The following BRWD3 variants were observed in gnomAD, a reference collection of about 807,000 sequenced individuals.
BRWD3 encodes bromodomain and WD repeat-containing protein 3.
In BRWD3, 10 loss-of-function variants were observed where a neutral mutation model predicts 149.7. That is an observed-to-expected ratio of 0.07 (90% confidence interval 0.04 to 0.11). BRWD3 has a LOEUF of 0.11. Among genes scored for constraint, BRWD3 ranks in the 10% least tolerant of loss-of-function variants. The pLI, the probability that BRWD3 is intolerant of heterozygous loss-of-function variation, is 1.00. For missense variants in BRWD3, 940 were observed against 1,373.2 expected (o/e 0.68, Z 4.99); for synonymous variants, 504 against 456.7 (o/e 1.10, Z -1.32).
intron 33 of BRWD3, among the ~76,000 whole-genome samples, chrX:80,688,466 A>G (rs2072564743): frequency 9.0e-6 from 1 of 111,678 alleles, no homozygotes; most frequent in Non-Finnish European, 1.9e-5. Flanking sequence ...TTAATATAAA[A>G]TTATTAATTA....
At chrX:80,726,045 T>C (rs1453955973) in intron 14 of BRWD3, among the ~76,000 whole-genome samples, 3 of 86,499 alleles carry the variant, frequency 3.5e-5, no homozygotes, top group Admixed American at 1.3e-4. Flanking sequence ...TGTTTACATG[T>C]TATGTCTATA....
At chrX:80,774,925 T>C (rs897844937) in intron 6 of BRWD3, among the ~76,000 whole-genome samples, 2 of 111,843 alleles carry the variant, frequency 1.8e-5, no homozygotes, top group African/African-American at 6.5e-5. Flanking sequence ...ATACTCTACT[T>C]TATGTGTTAC....
chrX:80,755,622 C>T (rs1293113005), intron 6 of BRWD3, among the ~76,000 whole-genome samples: 1 of 111,675 alleles, frequency 9.0e-6, no homozygotes, highest in Non-Finnish European at 1.9e-5. Flanking sequence ...ATTACTCCAC[C>T]TCTGGGCATC....
At chrX:80,728,191 A>G (rs926894510) in intron 14 of BRWD3, among the ~76,000 whole-genome samples, 7 of 111,989 alleles carry the variant, frequency 6.3e-5, no homozygotes, top group Non-Finnish European at 1.3e-4. Flanking sequence ...AGGTTTTTAA[A>G]TTAAGCTTAA....
rs2072504738 is a variant in BRWD3, at chrX:80,685,225, G to C, written c.4080+237C>G. Among the ~76,000 whole-genome samples the C allele has an allele frequency of 3.6e-5, 4 of 110,746 alleles. No homozygotes were observed. In the South Asian group the frequency reaches 1.5e-3, roughly 42 times the overall value. On this transcript the variant is annotated intron_variant, in intron 36 of 40. Coordinates refer to ENST00000373275, the MANE Select transcript of BRWD3 (RefSeq NM_153252.5). ...TGATGTTTTCTACTCTGCTGCAGTA[G>C]CTTCAGATCTACATAAAAAAGTAAA... is the stretch of plus-strand genomic sequence containing the variant.
At chrX:80,713,073 G>A (rs1438909530) in intron 20 of BRWD3, among the ~76,000 whole-genome samples, 1 of 107,882 alleles carries the variant, frequency 9.3e-6, no homozygotes, top group East Asian at 3.0e-4. Context: ...AGTTGGGGGG[G>A]TCAGCCCCCT....
chrX:80,757,188 A>G (rs1488324168), intron 6 of BRWD3, among the ~76,000 whole-genome samples: 2 of 111,742 alleles, frequency 1.8e-5, no homozygotes, highest in Admixed American at 1.9e-4. Context: ...TTTCAAAAGC[A>G]CCCTAAAAGT....
intron 21 of BRWD3, among the ~76,000 whole-genome samples, chrX:80,707,879 A>T (rs1313472390): frequency 8.9e-6 from 1 of 111,974 alleles, no homozygotes; most frequent in Non-Finnish European, 1.9e-5. Context: ...TTTTTTATGT[A>T]AAATTTTAAA....
intron 6 of BRWD3, among the ~76,000 whole-genome samples, chrX:80,784,019 A>T (rs1340471939): frequency 8.9e-6 from 1 of 111,734 alleles, no homozygotes; most frequent in Non-Finnish European, 1.9e-5. Flanking sequence ...ATAGTACAAC[A>T]GGGTGATTAG....
intron 6 of BRWD3, among the ~76,000 whole-genome samples, chrX:80,759,588 TATGA>T (rs1425419976): frequency 8.9e-6 from 1 of 112,287 alleles, no homozygotes; most frequent in African/African-American, 3.2e-5. Flanking sequence ...ACGTTTTAGC[TATGA>T]ATGTGATACC....
At chrX:80,737,208 C>G (rs1470839408) in intron 8 of BRWD3, among the ~76,000 whole-genome samples, 1 of 111,030 alleles carries the variant, frequency 9.0e-6, no homozygotes, top group East Asian at 2.8e-4. Context: ...CAGGACCTCC[C>G]ATGGATACTA....
intron 6 of BRWD3, among the ~76,000 whole-genome samples, chrX:80,778,773 T>C (rs2074025147): frequency 8.9e-6 from 1 of 112,207 alleles, no homozygotes; most frequent in African/African-American, 3.2e-5. Context: ...CCAAGGCAGG[T>C]GGATCACTTG....
intron 8 of BRWD3, among the ~76,000 whole-genome samples, chrX:80,736,705 A>ACTT (rs1555974387): frequency 1.8e-5 from 2 of 110,192 alleles, no homozygotes; most frequent in African/African-American, 6.6e-5. Flanking sequence ...TTAAAAAAAA[A>ACTT]AAGTTGTCAA....
Position 80,677,271 on chromosome X carries a change from C to T in BRWD3, c.4747G>A (p.Glu1583Lys), listed in dbSNP as rs761994597. 3.3e-6 allele frequency: 4 copies of T among 1,210,476 alleles called. No individual in the cohort carries two copies. The highest frequency in any genetic ancestry group is 4.5e-6 in the Non-Finnish European group (4 of 895,139). ...RKLLSASEED[E>K]NMGGEDKEKK... Reference sequence around the variant, plus strand: ...TCTTTATCTTCTCCTCCCATGTTTTCATCTTCTTCTGATGCACTAAGTAGT... The same window carrying T: ...TCTTTATCTTCTCCTCCCATGTTTTTATCTTCTTCTGATGCACTAAGTAGT... The change falls in exon 41 of 41, where the codon GAA (glutamate) becomes AAA (lysine). Residue 1583 changes from glutamate (E) to lysine (K), a missense_variant. Transcript: ENST00000373275.
chrX:80,746,199 T>C (rs2073590663), intron 6 of BRWD3, among the ~76,000 whole-genome samples: 1 of 108,310 alleles, frequency 9.2e-6, no homozygotes, highest in South Asian at 3.9e-4. Context: ...TCAAGAGTAA[T>C]ACAAGTAAAA....
intron 34 of BRWD3, 96 bp from the exon 35 acceptor site, chrX:80,687,099 TG>T: frequency 6.9e-6 from 3 of 437,907 alleles, no homozygotes; most frequent in Non-Finnish European, 1.0e-5. Context: ...TCTGTATGTG[TG>T]TATATATATA....
rs1055391282 is a variant in BRWD3, at chrX:80,676,957, T to A, written c.5061A>T (p.Arg1687Ser). 8.3e-7 allele frequency: 1 copy of A among 1,199,786 alleles called. No homozygotes were observed. The highest frequency in any genetic ancestry group is 1.8e-5 in the African/African-American group (1 of 56,645). Residue 1687 changes from arginine (R) to serine (S), a missense_variant, in exon 41 of 41, where the codon AGA becomes AGT. This residue lies in a region of BRWD3 where 349 missense variants were observed against 419.6 expected (regional missense o/e 0.83). Coordinates refer to ENST00000373275, the MANE Select transcript of BRWD3 (RefSeq NM_153252.5). ...TCCCTCGTCCCCTGCCTCCTCTTCC[T>A]CTGCCTCCTCTACTCCATCTACCCC... ...GRWGRWSRGG[R>S]GRGGRGRGSR...
intron 6 of BRWD3, among the ~76,000 whole-genome samples, chrX:80,759,948 T>A (rs182685916): frequency 9.0e-6 from 1 of 111,669 alleles, no homozygotes; most frequent in African/African-American, 3.3e-5. Context: ...TTTTGGTCTA[T>A]AGATTCCTAA....
chrX:80,717,596 A>T lies in BRWD3; in HGVS notation c.2208T>A (p.Asn736Lys). 8.3e-7 allele frequency: 1 copy of T among 1,211,415 alleles called. No individual in the cohort carries two copies. Among genetic ancestry groups the T allele is most frequent in the Non-Finnish European group, 1.1e-6 (1 of 895,241 alleles). ...LMAWSRRVVV[N>K]ELNNGVSRVQ... ...ACCTACTAACCCCATTATTTAGTTC[A>T]TTGACCACCACTCTTCTGCTCCACG... The change falls in exon 19 of 41, where the codon AAT becomes AAA. Residue 736 changes from asparagine to lysine, a missense_variant. Around this residue, in one of 6 missense-constraint regions of BRWD3, gnomAD observed 103 missense variants for 103.2 expected, o/e 1.00. Coordinates refer to ENST00000373275, the MANE Select transcript of BRWD3 (RefSeq NM_153252.5).
Sources: allele counts gnomAD v4.1 joint callset (sites outside exome capture counted in the v4.1 genomes callset), GRCh38; gene constraint gnomAD v4.1.1; regional missense constraint gnomAD v4.1.1; transcripts MANE v1.5; gene names NCBI Gene and HGNC (gene_info 2026-07-23, HGNC 2026-07-21).